The following CHST6 variants were observed in gnomAD, a reference collection of about 807,000 sequenced individuals.
The protein encoded by CHST6 is N-acetylglucosamine 6-O-sulfotransferase 5.
For synonymous variants in CHST6, 309 were observed against 276.4 expected, an observed-to-expected ratio of 1.12 and a Z score of -1.17; for missense variants, 698 against 586.2, an observed-to-expected ratio of 1.19 and a Z score of -1.97.
chr16:75,479,075 T>C lies in CHST6; in HGVS notation c.754A>G (p.Ile252Val). 1.9e-6 allele frequency: 3 copies of C among 1,606,094 alleles called. No individual in the cohort carries two copies. Among genetic ancestry groups the C allele is most frequent in the Non-Finnish European group, 2.5e-6 (3 of 1,179,364 alleles). ...VREVCRSHVR[I>V]AEAATLKPPP... ...GGCTTGAGTGTGGCGGCCTCGGCGA[T>C]GCGTACGTGGCTACGGCACACCTCG... The change falls in exon 3 of 3, where the codon ATC (isoleucine) becomes GTC (valine). Residue 252 changes from isoleucine to valine, a missense_variant. Transcript: ENST00000332272.
At chr16:75,485,352 G>A (rs2080184592) in intron 1 of CHST6, among the ~76,000 whole-genome samples, 1 of 152,174 alleles carries the variant, frequency 6.6e-6, no homozygotes. Context: ...TGTAATCCTA[G>A]CACTTTGGGA....
rs1282183233 is a variant in CHST6 at position 75,479,736 on chromosome 16, G to C, written c.93C>G (p.Pro31=). 16 of 1,605,956 alleles carry C rather than the reference G, an allele frequency of 1.0e-5. No individual in the cohort carries two copies. The highest frequency in any genetic ancestry group is 1.3e-5 in the African/African-American group (1 of 74,836). Residue 31 remains proline (P), a synonymous_variant, in exon 3 of 3, where the codon CCC becomes CCG. Transcript: ENST00000332272. ...LLLFLVSRPG[P]SSPAGGEARV... ...GCGCCTCGCCGCCTGCTGGGGACGA[G>C]GGCCCTGGCCGGGAAACCAGAAAGA... is the stretch of plus-strand genomic sequence containing the variant.
chr16:75,491,218 T>TATATAAA (rs1384245947), intron 1 of CHST6, among the ~76,000 whole-genome samples: 1 of 97,674 alleles, frequency 1.0e-5, no homozygotes, highest in Non-Finnish European at 1.9e-5. Flanking sequence ...TATATATATA[T>TATATAAA]AAAATATAAT....
chr16:75,492,059 G>T (rs1047837614), intron 1 of CHST6, among the ~76,000 whole-genome samples: 2 of 152,226 alleles, frequency 1.3e-5, no homozygotes, highest in African/African-American at 4.8e-5. Context: ...AGAGGCAGGG[G>T]GCTGGGACTG....
chr16:75,472,931 G>A lies in CHST6; in HGVS notation c.*5710C>T, dbSNP rs2080032890. The A allele has an allele frequency of 6.6e-6, 1 of 152,226 alleles. No homozygotes were observed. The highest frequency in any genetic ancestry group is 1.9e-4 in the East Asian group (1 of 5,176). 9.4% of individuals were successfully genotyped at this position (152,226 alleles called of 1,614,324 possible). Reference sequence around the variant, plus strand: ...CAAGCGTGCCTGCCCCTAATTGTGGGTGACTGCTGGGCCTAGACACTTCTA... The same window carrying A: ...CAAGCGTGCCTGCCCCTAATTGTGGATGACTGCTGGGCCTAGACACTTCTA... On this transcript the variant is annotated 3_prime_UTR_variant, in exon 3 of 3. Transcript: ENST00000332272.
In CHST6 at chr16:75,477,151, C is replaced by G. The variant is rs558953213; in HGVS notation, c.*1490G>C. The G allele has an allele frequency of 2.3e-4, 35 of 152,344 alleles. No homozygotes were observed. The highest frequency in any genetic ancestry group is 8.2e-4 in the African/African-American group (34 of 41,578). The allele number at this position is 152,344 out of a possible 1,614,324, so 9.4% of individuals were successfully genotyped here. A position where few individuals can be genotyped will look rare whatever the true frequency, so the allele number is the denominator to read the frequency against. ...TAAATCTGGGGTTTTAAATACCTTCCTCCTATAATTGTCACGAGGGACAGA... is the reference window on the plus strand; with the variant it reads ...TAAATCTGGGGTTTTAAATACCTTCGTCCTATAATTGTCACGAGGGACAGA... On this transcript the variant is annotated 3_prime_UTR_variant, in exon 3 of 3. Coordinates refer to ENST00000332272, the MANE Select transcript of CHST6 (RefSeq NM_021615.5).
At position 75,474,826 on chromosome 16, in the gene CHST6, C is replaced by T. The variant is rs563939196; in HGVS notation, c.*3815G>A. The T allele has an allele frequency of 3.1e-4, 122 of 395,100 alleles. No homozygotes were observed. Among genetic ancestry groups the T allele is most frequent in the African/African-American group, 2.3e-3 (114 of 48,626 alleles). The allele number at this position is 395,100 out of a possible 1,614,324, so 24.5% of individuals were successfully genotyped here. A position where few individuals can be genotyped will look rare whatever the true frequency, so the allele number is the denominator to read the frequency against. The stretch of plus-strand genomic sequence containing the variant: ...GGTGGTTTTTTTTAAGACAGACTCT[C>T]GCTTTGTTGCCCAGGCTGGAGTACA... On this transcript the variant is annotated 3_prime_UTR_variant, in exon 3 of 3. Coordinates refer to ENST00000332272, the MANE Select transcript of CHST6 (RefSeq NM_021615.5).
Position 75,485,786 on chromosome 16 carries a change from G to A in CHST6, c.-91-3895C>T, listed in dbSNP as rs376751917. 1.7e-3 allele frequency among the ~76,000 whole-genome samples: 265 copies of A among 152,328 alleles called. 2 individuals carry two copies. Among genetic ancestry groups the A allele is most frequent in the African/African-American group, 6.2e-3 (256 of 41,570 alleles). ...AGCTGACAATCAAGTTGGGGACACT[G>A]AAGACACATCTGGCTATGTGACGGT... On this transcript the variant is annotated intron_variant, in intron 1 of 2. Coordinates refer to ENST00000332272, the MANE Select transcript of CHST6 (RefSeq NM_021615.5).
intron 1 of CHST6, among the ~76,000 whole-genome samples, chr16:75,493,385 T>C (rs970228879): frequency 5.3e-5 from 8 of 151,990 alleles, no homozygotes; most frequent in Admixed American, 2.6e-4. Flanking sequence ...GGCGGGTGCC[T>C]GTAATCCCAG....
intron 1 of CHST6, among the ~76,000 whole-genome samples, chr16:75,494,457 T>TGTGAAAAAGGG (rs1403154617): frequency 6.6e-6 from 1 of 152,000 alleles, no homozygotes; most frequent in African/African-American, 2.4e-5. Context: ...GCCTTGCCTC[T>TGTGAAAAAGGG]GTGAAAAAGG....
At chr16:75,480,570 ATT>A (rs34408881) in intron 2 of CHST6, among the ~76,000 whole-genome samples, 12 of 149,520 alleles carry the variant, frequency 8.0e-5, no homozygotes, top group African/African-American at 2.9e-4. Context: ...GCAGTGTATG[ATT>A]TTTTTTTTTT....
chr16:75,489,371 C>T (rs1343341698), intron 1 of CHST6, among the ~76,000 whole-genome samples: 1 of 146,378 alleles, frequency 6.8e-6, no homozygotes, highest in South Asian at 2.1e-4. Flanking sequence ...TGCACTCCAG[C>T]CTGGGCAACA....
At chr16:75,482,522 G>T (rs2080153097) in intron 1 of CHST6, among the ~76,000 whole-genome samples, 1 of 152,138 alleles carries the variant, frequency 6.6e-6, no homozygotes, top group Non-Finnish European at 1.5e-5. Context: ...TGGGCAACAA[G>T]GGGGAAACTC....
At chr16:75,482,921 A>C (rs372788928) in intron 1 of CHST6, among the ~76,000 whole-genome samples, 23 of 152,208 alleles carry the variant, frequency 1.5e-4, no homozygotes, top group African/African-American at 5.5e-4. Flanking sequence ...AGACAGGGAG[A>C]GTAGCCACTC....
Position 75,491,218 on chromosome 16 carries a change from TAAA to T in CHST6, c.-92+3719_-92+3721del, listed in dbSNP as rs1555501764. The stretch of plus-strand genomic sequence containing the variant: ...ATATATATATATATATATATATATA[TAAA>T]ATATAATATACTTATATATAATATA... On this transcript the variant is annotated intron_variant, in intron 1 of 2. Transcript: ENST00000332272. Among the ~76,000 whole-genome samples the T allele has an allele frequency of 8.2e-5, 8 of 97,630 alleles. No individual in the cohort carries two copies. In the South Asian group the frequency reaches 1.6e-3, roughly 20 times the overall value. The allele number at this position is 97,630 out of a possible 152,430, so 64.0% of individuals were successfully genotyped here. A position where few individuals can be genotyped will look rare whatever the true frequency, so the allele number is the denominator to read the frequency against.
rs2080042762 is a variant in CHST6, at chr16:75,474,164, A to G, written c.*4477T>C. ...CACTCCAGCCTGGGGGACAAGAGCAAGACTCTGCCTCAAAAAAACAGAAAC... is the reference window on the plus strand; with the variant it reads ...CACTCCAGCCTGGGGGACAAGAGCAGGACTCTGCCTCAAAAAAACAGAAAC... On this transcript the variant is annotated 3_prime_UTR_variant, in exon 3 of 3. Coordinates refer to ENST00000332272, the MANE Select transcript of CHST6 (RefSeq NM_021615.5). 1 of 152,662 alleles carries G rather than the reference A, an allele frequency of 6.6e-6. No homozygotes were observed. The highest frequency in any genetic ancestry group is 6.5e-5 in the Admixed American group (1 of 15,294). 9.5% of individuals were successfully genotyped at this position (152,662 alleles called of 1,614,324 possible). A position where few individuals can be genotyped will look rare whatever the true frequency, so the allele number is the denominator to read the frequency against.
In CHST6 at chr16:75,478,028, G is replaced by C. The variant is rs947097007; in HGVS notation, c.*613C>G. Reference sequence around the variant, plus strand: ...ATCTCTCAGCTGTGTCCCTGGTCATGACTCTGCTTGCTCTTCCCTAAAGCA... The same window carrying C: ...ATCTCTCAGCTGTGTCCCTGGTCATCACTCTGCTTGCTCTTCCCTAAAGCA... On this transcript the variant is annotated 3_prime_UTR_variant, in exon 3 of 3. Coordinates refer to ENST00000332272, the MANE Select transcript of CHST6 (RefSeq NM_021615.5). 6.2e-6 allele frequency: 1 copy of C among 161,248 alleles called. No homozygotes were observed. The highest frequency in any genetic ancestry group is 5.8e-5 in the Admixed American group (1 of 17,262). The allele number at this position is 161,248 out of a possible 1,614,324, so 10.0% of individuals were successfully genotyped here.
At position 75,474,289 on chromosome 16, in the gene CHST6, T is replaced by C. The variant is rs999682603; in HGVS notation, c.*4352A>G. 1 of 301,064 alleles carries C rather than the reference T, an allele frequency of 3.3e-6. No homozygotes were observed. The highest frequency in any genetic ancestry group is 6.1e-6 in the Non-Finnish European group (1 of 164,998). The allele number at this position is 301,064 out of a possible 1,614,324, so 18.6% of individuals were successfully genotyped here. A position where few individuals can be genotyped will look rare whatever the true frequency, so the allele number is the denominator to read the frequency against. On this transcript the variant is annotated 3_prime_UTR_variant, in exon 3 of 3. Transcript: ENST00000332272. ...CAATACCACAGATGGGGTCATTTAT[T>C]TAGAGATAGGTGTCTTGCTCTGTCA...
rs1352041832 is a variant in CHST6 at position 75,478,895 on chromosome 16, G to A, written c.934C>T (p.Pro312Ser). 1.2e-6 allele frequency: 2 copies of A among 1,613,248 alleles called. No individual in the cohort carries two copies. The highest frequency in any genetic ancestry group is 8.5e-7 in the Non-Finnish European group (1 of 1,179,980). ...WIHNITHGSG[P>S]GARREAFKTS... ...TTGAAGGCTTCGCGGCGCGCACCAG[G>A]TCCAGATCCGTGGGTGATGTTATGG... The change falls in exon 3 of 3, where the codon CCT becomes TCT. Residue 312 changes from proline to serine, a missense_variant. Transcript: ENST00000332272.
Sources: gnomAD v4.1 joint callset for allele counts (sites outside exome capture counted in the v4.1 genomes callset) on GRCh38, gnomAD v4.1.1 for gene constraint, MANE v1.5 for transcripts, NCBI Gene and HGNC (gene_info 2026-07-23, HGNC 2026-07-21) for gene names.